STRN3: variants seen among roughly 807,000 people sequenced by gnomAD.
The protein encoded by STRN3 is striatin 3.
STRN3 carries 29 observed loss-of-function variants against 95.6 expected under a neutral mutation model. The ratio of observed to expected loss-of-function variants is 0.30; its 90% CI spans 0.23 to 0.41. The LOEUF (loss-of-function observed/expected upper bound fraction) is 0.41. Among genes scored for constraint, STRN3 ranks in the 10% least tolerant of loss-of-function variants. STRN3 has a pLI of 1.00. For synonymous variants in STRN3, 331 were observed against 357.6 expected (o/e 0.93, Z 0.84); for missense variants, 890 against 972.1 (o/e 0.92, Z 1.12).
intron 5 of STRN3, among the ~76,000 whole-genome samples, chr14:30,941,338 C>T (rs1460993639): frequency 2.6e-5 from 4 of 152,162 alleles, no homozygotes; most frequent in Admixed American, 6.5e-5. Flanking sequence ...TAGGCCTTTC[C>T]TATTAATGTG....
intron 1 of STRN3, among the ~76,000 whole-genome samples, chr14:30,977,944 T>C (rs1170503184): frequency 6.6e-6 from 1 of 152,000 alleles, no homozygotes; most frequent in East Asian, 1.9e-4. Context: ...AGACACAATC[T>C]ACAAAAACTT....
chr14:31,019,946 C>T (rs1370236277), intron 1 of STRN3, among the ~76,000 whole-genome samples: 1 of 148,616 alleles, frequency 6.7e-6, no homozygotes, highest in Non-Finnish European at 1.5e-5. Context: ...TGGTCTCCAA[C>T]TCCTGGGCTC....
intron 1 of STRN3, among the ~76,000 whole-genome samples, chr14:31,005,402 T>G (rs952284680): frequency 5.9e-5 from 9 of 152,172 alleles, no homozygotes; most frequent in African/African-American, 2.2e-4. Context: ...TGTATTCATC[T>G]CACAATCAGT....
rs565556809 is a variant in STRN3 at position 30,956,098 on chromosome 14, T to C, written c.386+41A>G. ...TACAATGGTATACATGAGTATACTA[T>C]TGTTCTACTTTATTCATGTAACAAA... On this transcript the variant is annotated intron_variant, in intron 2 of 17. Coordinates refer to ENST00000357479, the MANE Select transcript of STRN3 (RefSeq NM_001083893.2). 18 of 1,544,302 alleles carry C rather than the reference T, an allele frequency of 1.2e-5. No individual in the cohort carries two copies. In the South Asian group the frequency reaches 1.8e-4, roughly 15 times the overall value.
chr14:30,935,451 A>C (rs1170377829), intron 6 of STRN3, 147 bp from the exon 7 acceptor site: 2 of 821,232 alleles, frequency 2.4e-6, no homozygotes, highest in Non-Finnish European at 3.7e-6. Flanking sequence ...ACAAATCCCA[A>C]ATTATACTTC....
Position 30,895,467 on chromosome 14 carries a change from A to G in STRN3, c.2338T>C (p.Ser780Pro). 2 of 1,614,032 alleles carry G rather than the reference A, an allele frequency of 1.2e-6. No homozygotes were observed. The highest frequency in any genetic ancestry group is 1.7e-6 in the Non-Finnish European group (2 of 1,179,988). The change falls in exon 18 of 18, where the codon TCA becomes CCA. Residue 780 changes from serine (S) to proline (P), a missense_variant. Physicochemically the swap from Ser to Pro is moderately conservative, Grantham distance 74 (BLOSUM62 -1). This residue lies in a region of STRN3 where 357 missense variants were observed against 422.8 expected (regional missense o/e 0.84). Transcript: ENST00000357479. Reference protein sequence around the residue: ...ESIYDVAFHSSKAYIASAGAD... With the variant: ...ESIYDVAFHSPKAYIASAGAD... Reference sequence around the variant, plus strand: ...CCTGCACTAGCTATATATGCTTTTGACGAGTGGAAAGCAACATCATAAATT... The same window carrying G: ...CCTGCACTAGCTATATATGCTTTTGGCGAGTGGAAAGCAACATCATAAATT...
rs34613702 is a variant in STRN3, at chr14:30,974,607, CA to C, written c.283-18366del. Among the ~76,000 whole-genome samples the C allele has an allele frequency of 2.8e-3, 342 of 120,684 alleles. 5 individuals carry two copies. In the East Asian group the frequency reaches 0.036, roughly 13 times the overall value. The allele number at this position is 120,684 out of a possible 152,430, so 79.2% of individuals were successfully genotyped here. A position where few individuals can be genotyped will look rare whatever the true frequency, so the allele number is the denominator to read the frequency against. On this transcript the variant is annotated intron_variant, in intron 1 of 17. Transcript: ENST00000357479. ...CAAGGAACCCCAAATAGCATAACTA[CA>C]AAAAAAAAAAAAAAACCTTGAAAAT...
intron 1 of STRN3, among the ~76,000 whole-genome samples, chr14:30,963,516 C>T (rs1262821827): frequency 2.0e-5 from 3 of 152,198 alleles, no homozygotes; most frequent in African/African-American, 7.2e-5. Flanking sequence ...TCAAGTGATT[C>T]TCCTGCCTCA....
intron 1 of STRN3, among the ~76,000 whole-genome samples, chr14:30,966,354 A>G (rs1394954028): frequency 6.6e-6 from 1 of 152,002 alleles, no homozygotes; most frequent in Non-Finnish European, 1.5e-5. Context: ...TTTATATCTG[A>G]GTGCTATTTC....
At chr14:30,898,722 C>T (rs1319930869) in intron 16 of STRN3, among the ~76,000 whole-genome samples, 1 of 152,202 alleles carries the variant, frequency 6.6e-6, no homozygotes, top group Non-Finnish European at 1.5e-5. Flanking sequence ...TGGCCTCGTG[C>T]TTCTGCTAAT....
chr14:30,919,884 T>C (rs1013909972), intron 8 of STRN3, among the ~76,000 whole-genome samples: 1 of 152,138 alleles, frequency 6.6e-6, no homozygotes, highest in Admixed American at 6.5e-5. Context: ...CTCTGAACTT[T>C]AGAAATAGCA....
chr14:31,011,257 T>G (rs1389514982), intron 1 of STRN3, among the ~76,000 whole-genome samples: 1 of 152,180 alleles, frequency 6.6e-6, no homozygotes, highest in African/African-American at 2.4e-5. Flanking sequence ...CCACAGAAAT[T>G]GTAAGTCAAG....
chr14:31,025,737 G>A (rs1173297458), intron 1 of STRN3, 167 bp downstream of exon 1: 6 of 907,148 alleles, frequency 6.6e-6, no homozygotes, highest in African/African-American at 3.5e-5. Flanking sequence ...AAGAGGGAGG[G>A]GGACTCCAGG....
At chr14:31,001,044 G>T (rs1191990656) in intron 1 of STRN3, among the ~76,000 whole-genome samples, 1 of 152,176 alleles carries the variant, frequency 6.6e-6, no homozygotes, top group East Asian at 1.9e-4. Context: ...GGCAGAGGGG[G>T]TAGGGCTGAA....
intron 1 of STRN3, among the ~76,000 whole-genome samples, chr14:30,990,695 A>G (rs965335702): frequency 3.9e-5 from 6 of 152,198 alleles, no homozygotes; most frequent in Admixed American, 2.0e-4. Flanking sequence ...CTAGGATACC[A>G]AAACGCAGAG....
chr14:30,908,855 G>T (rs1006328191), intron 13 of STRN3, among the ~76,000 whole-genome samples: 12 of 152,138 alleles, frequency 7.9e-5, no homozygotes, highest in African/African-American at 2.7e-4. Flanking sequence ...ATAGTTTAAT[G>T]TATTATTTGT....
intron 1 of STRN3, among the ~76,000 whole-genome samples, chr14:30,968,464 G>A (rs1371051255): frequency 2.6e-5 from 4 of 151,110 alleles, no homozygotes; most frequent in East Asian, 3.9e-4. Flanking sequence ...GGCGGATCAC[G>A]AGGTCAGGAG....
At chr14:31,009,945 A>G (rs566066261) in intron 1 of STRN3, among the ~76,000 whole-genome samples, 1 of 151,954 alleles carries the variant, frequency 6.6e-6, no homozygotes, top group African/African-American at 2.4e-5. Flanking sequence ...TGAAAAAAAA[A>G]TTTTTTAAGT....
intron 6 of STRN3, 139 bp downstream of exon 6, chr14:30,936,356 A>C: frequency 2.1e-6 from 2 of 942,086 alleles, no homozygotes; most frequent in South Asian, 3.7e-5. Context: ...ATGCAAAAAG[A>C]GCTGACCACA....
Sources: gnomAD v4.1 joint callset for allele counts (sites outside exome capture counted in the v4.1 genomes callset) on GRCh38, gnomAD v4.1.1 for gene constraint, gnomAD v4.1.1 regional missense constraint, MANE v1.5 for transcripts, NCBI Gene and HGNC (gene_info 2026-07-23, HGNC 2026-07-21) for gene names.